Variants in DLGAP1 observed in about 807,000 individuals in gnomAD.
DLGAP1 encodes the protein DLG associated protein 1.
A neutral mutation model predicts 90.8 loss-of-function variants in DLGAP1; 11 were observed. The observed-to-expected ratio is 0.12, with a 90% confidence interval of 0.08 to 0.20. The LOEUF (loss-of-function observed/expected upper bound fraction) is 0.20. Among genes scored for constraint, DLGAP1 ranks in the 10% least tolerant of loss-of-function variants. DLGAP1 has a pLI of 1.00. For synonymous variants in DLGAP1, 558 were observed against 540.7 expected (o/e 1.03, Z -0.44); for missense variants, 1,050 against 1,333.8 (o/e 0.79, Z 3.31).
At chr18:3,910,037 G>A (rs2071997764) in intron 3 of DLGAP1, among the ~76,000 whole-genome samples, 1 of 151,364 alleles carries the variant, frequency 6.6e-6, no homozygotes. Context: ...GAGAAGCATA[G>A]GAACAGGAAG....
At chr18:4,204,892 T>C (rs1433687005) in intron 1 of DLGAP1, among the ~76,000 whole-genome samples, 3 of 148,690 alleles carry the variant, frequency 2.0e-5, no homozygotes, top group African/African-American at 7.5e-5. Flanking sequence ...TTTTTTTTTT[T>C]GTGGTTTGTT....
intron 3 of DLGAP1, among the ~76,000 whole-genome samples, chr18:3,993,522 G>A (rs1026597774): frequency 2.0e-5 from 3 of 152,096 alleles, no homozygotes; most frequent in Non-Finnish European, 4.4e-5. Flanking sequence ...AGAAAGGGAG[G>A]GGGTGAGGGT....
intron 1 of DLGAP1, among the ~76,000 whole-genome samples, chr18:4,310,038 C>T (rs2080358815): frequency 6.6e-6 from 1 of 152,054 alleles, no homozygotes; most frequent in African/African-American, 2.4e-5. Flanking sequence ...TGTGATCTAG[C>T]CATATTTTTG....
At chr18:3,547,068 G>A (rs148656065) in intron 9 of DLGAP1, among the ~76,000 whole-genome samples, 2,056 of 152,098 alleles carry the variant, frequency 0.014, 44 homozygotes, top group African/African-American at 0.047. Context: ...TTGAGAGGCC[G>A]TGGCAGGTGG....
intron 2 of DLGAP1, among the ~76,000 whole-genome samples, chr18:4,070,534 T>TC (rs2075432496): frequency 6.6e-6 from 1 of 152,062 alleles, no homozygotes; most frequent in Non-Finnish European, 1.5e-5. Context: ...CATAAGGTTT[T>TC]CCCATATATG....
chr18:3,870,621 T>TATC (rs1419247490), intron 4 of DLGAP1, among the ~76,000 whole-genome samples: 2 of 119,984 alleles, frequency 1.7e-5, no homozygotes, highest in African/African-American at 5.2e-5. Context: ...TCTATCTATC[T>TATC]ATCTATCTAT....
chr18:3,801,886 G>A (rs2066311346), intron 5 of DLGAP1, among the ~76,000 whole-genome samples: 4 of 151,998 alleles, frequency 2.6e-5, no homozygotes, highest in South Asian at 4.2e-4. Context: ...AAATAATATA[G>A]AATATACTTT....
chr18:4,369,761 T>G, intron 1 of DLGAP1, among the ~76,000 whole-genome samples: 1 of 126,606 alleles, frequency 7.9e-6, no homozygotes, highest in South Asian at 2.5e-4. Context: ...GAGGAATTCA[T>G]AGAGGTAACA....
intron 1 of DLGAP1, among the ~76,000 whole-genome samples, chr18:4,333,707 C>T (rs941975136): frequency 2.7e-5 from 4 of 149,106 alleles, no homozygotes; most frequent in Non-Finnish European, 5.9e-5. Flanking sequence ...GCAAACTCCA[C>T]CTCCCGGGTT....
chr18:3,697,751 G>A (rs567243280), intron 7 of DLGAP1, among the ~76,000 whole-genome samples: 152 of 152,194 alleles, frequency 1.0e-3, no homozygotes, highest in African/African-American at 3.6e-3. Context: ...TTAATTTTCT[G>A]TCTCATTGAT....
At chr18:4,020,813 C>G (rs533937976) in intron 2 of DLGAP1, among the ~76,000 whole-genome samples, 7 of 152,272 alleles carry the variant, frequency 4.6e-5, no homozygotes, top group African/African-American at 1.7e-4. Context: ...AGGAGCCATA[C>G]GGCCTCTGGT....
chr18:3,505,565 G>A (rs1014086254), intron 11 of DLGAP1, among the ~76,000 whole-genome samples: 1 of 147,946 alleles, frequency 6.8e-6, no homozygotes, highest in Non-Finnish European at 1.5e-5. Flanking sequence ...TTGAACCCGT[G>A]AGGCAGAGAT....
At chr18:3,530,608 C>T (rs901091838) in intron 10 of DLGAP1, among the ~76,000 whole-genome samples, 3 of 152,048 alleles carry the variant, frequency 2.0e-5, no homozygotes, top group Non-Finnish European at 2.9e-5. Context: ...GTGAGTATGT[C>T]CACAAGGAGA....
At chr18:4,134,739 C>T (rs868664882) in intron 2 of DLGAP1, among the ~76,000 whole-genome samples, 7 of 151,938 alleles carry the variant, frequency 4.6e-5, no homozygotes, top group East Asian at 3.9e-4. Flanking sequence ...TTCTTATTAC[C>T]GAAGACCCAG....
intron 5 of DLGAP1, among the ~76,000 whole-genome samples, chr18:3,776,471 C>T (rs971765959): frequency 2.0e-5 from 3 of 152,018 alleles, no homozygotes; most frequent in Admixed American, 6.6e-5. Context: ...TCCAAGAGAC[C>T]GGCCTCTTGG....
intron 1 of DLGAP1, among the ~76,000 whole-genome samples, chr18:4,277,233 G>A (rs1342552962): frequency 6.6e-6 from 1 of 152,154 alleles, no homozygotes; most frequent in Non-Finnish European, 1.5e-5. Flanking sequence ...TAATAATGCT[G>A]CAAATTTCTG....
At chr18:3,559,665 C>T (rs536741208) in intron 9 of DLGAP1, among the ~76,000 whole-genome samples, 3 of 150,558 alleles carry the variant, frequency 2.0e-5, no homozygotes, top group Admixed American at 2.0e-4. Flanking sequence ...TTCTGTCGCC[C>T]AGGCTGGGGT....
At chr18:4,447,457 T>C (rs2083696116) in intron 1 of DLGAP1, among the ~76,000 whole-genome samples, 1 of 152,170 alleles carries the variant, frequency 6.6e-6, no homozygotes, top group East Asian at 1.9e-4. Flanking sequence ...CATACATACA[T>C]AGCAAAGAAT....
chr18:4,399,799 G>A (rs9949508), intron 1 of DLGAP1, among the ~76,000 whole-genome samples: 14,271 of 152,100 alleles, frequency 0.094, 1,200 homozygotes, highest in African/African-American at 0.23. Flanking sequence ...TCACTTCATA[G>A]GGGGCTAAAG....
Sources: allele counts gnomAD v4.1 joint callset (sites outside exome capture counted in the v4.1 genomes callset), GRCh38; gene constraint gnomAD v4.1.1; transcripts MANE v1.5; gene names NCBI Gene and HGNC (gene_info 2026-07-23, HGNC 2026-07-21).